Variants in NELL1 observed in about 807,000 individuals in gnomAD.
NELL1 encodes neural EGFL like 1.
A neutral mutation model predicts 107.4 loss-of-function variants in NELL1; 76 were observed. The ratio of observed to expected loss-of-function variants is 0.71; its 90% confidence interval spans 0.59 to 0.86. The LOEUF (loss-of-function observed/expected upper bound fraction) is 0.86. Among genes scored for constraint, NELL1 ranks in the 40% least tolerant of loss-of-function variants. The pLI, the probability that NELL1 is intolerant of heterozygous loss-of-function variation, is 0.00. For synonymous variants in NELL1, 353 were observed against 341.2 expected, an observed-to-expected ratio of 1.03 and a Z score of -0.38; for missense variants, 1,024 against 1,005.5, an observed-to-expected ratio of 1.02 and a Z score of -0.25.
chr11:21,255,523 G>T (rs933797485), intron 14 of NELL1, among the ~76,000 whole-genome samples: 13 of 151,778 alleles, frequency 8.6e-5, no homozygotes, highest in Admixed American at 7.9e-4. Context: ...GCAAACATCT[G>T]GGGGAGAAAA....
intron 2 of NELL1, among the ~76,000 whole-genome samples, chr11:20,731,066 G>A (rs1051102018): frequency 8.0e-6 from 1 of 124,982 alleles, no homozygotes; most frequent in Non-Finnish European, 1.7e-5. Flanking sequence ...GAGTTAATCG[G>A]TATGTATGAG....
chr11:20,877,677 T>C (rs1849331553), intron 4 of NELL1, among the ~76,000 whole-genome samples: 1 of 152,240 alleles, frequency 6.6e-6, no homozygotes, highest in African/African-American at 2.4e-5. Context: ...GATTCAATGA[T>C]TGACTTTGAC....
intron 13 of NELL1, among the ~76,000 whole-genome samples, chr11:21,199,762 A>C (rs1481126319): frequency 6.6e-6 from 1 of 151,426 alleles, no homozygotes; most frequent in Admixed American, 6.6e-5. Context: ...CCTGTCATCT[A>C]CATTAGGTAT....
In NELL1 at chr11:20,783,777, G is replaced by A. The variant is rs1465073702; in HGVS notation, c.282G>A (p.Gln94=). The stretch of plus-strand genomic sequence containing the variant: ...AATTCACCATTTTGGCCACTGTACA[G>A]CAGAAGCCATCCACTTCAGGAGTGA... ...KSEFTILATV[Q]QKPSTSGVIL... The change falls in exon 3 of 20, where the codon CAG becomes CAA. Residue 94 remains glutamine (Q), a synonymous_variant. Coordinates refer to ENST00000357134, the MANE Select transcript of NELL1 (RefSeq NM_006157.5). The A allele has an allele frequency of 6.2e-7, 1 of 1,613,890 alleles. No homozygotes were observed. Among genetic ancestry groups the A allele is most frequent in the Non-Finnish European group, 8.5e-7 (1 of 1,179,790 alleles).
intron 7 of NELL1, among the ~76,000 whole-genome samples, chr11:20,920,570 C>G (rs1850356004): frequency 6.6e-6 from 1 of 152,022 alleles, no homozygotes. Flanking sequence ...ACCTTCCCAG[C>G]TTGTGTTATA....
intron 15 of NELL1, among the ~76,000 whole-genome samples, chr11:21,504,771 C>T (rs1461386525): frequency 1.3e-5 from 2 of 152,078 alleles, no homozygotes; most frequent in African/African-American, 2.4e-5. Context: ...GCAGAGAATT[C>T]GAAGGCATGC....
intron 13 of NELL1, among the ~76,000 whole-genome samples, chr11:21,129,942 T>C (rs762147098): frequency 1.3e-5 from 2 of 152,164 alleles, no homozygotes; most frequent in African/African-American, 4.8e-5. Context: ...ATATTTTACT[T>C]CAACTAAAAC....
rs1590838665 is a variant in NELL1, at chr11:21,325,621, A to G, written c.1550-45232A>G. Reference sequence around the variant, plus strand: ...TTTTTAATATTAACTTATTTTGCTCATTTAATTTTTTGAGGCAAAATTGCA... The same window carrying G: ...TTTTTAATATTAACTTATTTTGCTCGTTTAATTTTTTGAGGCAAAATTGCA... On this transcript the variant is annotated intron_variant, in intron 14 of 19. Coordinates refer to ENST00000357134, the MANE Select transcript of NELL1 (RefSeq NM_006157.5). Among the ~76,000 whole-genome samples the G allele has an allele frequency of 2.0e-5, 3 of 151,928 alleles. No homozygotes were observed. In the East Asian group the frequency reaches 5.8e-4, roughly 29 times the overall value.
chr11:21,112,790 T>C (rs1855137888), intron 12 of NELL1, among the ~76,000 whole-genome samples: 2 of 152,060 alleles, frequency 1.3e-5, no homozygotes, highest in Admixed American at 1.3e-4. Context: ...TTTTCTGTCT[T>C]GGATTCCCAT....
At chr11:20,727,909 A>T (rs1307728382) in intron 2 of NELL1, among the ~76,000 whole-genome samples, 1 of 152,192 alleles carries the variant, frequency 6.6e-6, no homozygotes, top group East Asian at 1.9e-4. Context: ...GCACTAATTT[A>T]CATTCCCACC....
At chr11:21,076,586 G>T (rs1854141933) in intron 12 of NELL1, among the ~76,000 whole-genome samples, 1 of 152,186 alleles carries the variant, frequency 6.6e-6, no homozygotes, top group African/African-American at 2.4e-5. Context: ...AGCTGTATTT[G>T]ATGAGTGAGC....
chr11:21,122,056 T>C (rs1456006405), intron 13 of NELL1, among the ~76,000 whole-genome samples: 2 of 152,216 alleles, frequency 1.3e-5, no homozygotes, highest in Non-Finnish European at 2.9e-5. Flanking sequence ...TTTGATTGTT[T>C]TGTTGGGTTT....
chr11:21,573,870 G>A (rs1385300046), intron 19 of NELL1, among the ~76,000 whole-genome samples: 4 of 151,368 alleles, frequency 2.6e-5, no homozygotes, highest in Non-Finnish European at 5.9e-5. Flanking sequence ...GTCAATGTTA[G>A]GGGAAAAAAG....
At chr11:21,572,590 T>C (rs1017634899) in intron 18 of NELL1, among the ~76,000 whole-genome samples, 1 of 145,888 alleles carries the variant, frequency 6.9e-6, no homozygotes, top group Admixed American at 6.7e-5. Flanking sequence ...AGATGCCAGA[T>C]GCTGAGACAC....
chr11:21,189,067 A>G (rs1469482585), intron 13 of NELL1, among the ~76,000 whole-genome samples: 1 of 151,902 alleles, frequency 6.6e-6, no homozygotes, highest in Admixed American at 6.6e-5. Flanking sequence ...ATACAATTAT[A>G]TCATAATGTA....
At chr11:21,251,212 A>G (rs1025077581) in intron 14 of NELL1, among the ~76,000 whole-genome samples, 3 of 152,250 alleles carry the variant, frequency 2.0e-5, no homozygotes, top group African/African-American at 7.2e-5. Context: ...TTTTTAAAAA[A>G]CAGCATGCCT....
chr11:21,109,302 A>G (rs1173664106), intron 12 of NELL1, among the ~76,000 whole-genome samples: 1 of 152,112 alleles, frequency 6.6e-6, no homozygotes, highest in Non-Finnish European at 1.5e-5. Context: ...CTCTTAGAAT[A>G]TGGGTATCAG....
At chr11:20,789,564 G>T (rs1188057921) in intron 3 of NELL1, among the ~76,000 whole-genome samples, 1 of 152,228 alleles carries the variant, frequency 6.6e-6, no homozygotes, top group Non-Finnish European at 1.5e-5. Flanking sequence ...CCCCAATGTG[G>T]CAAGCAAGGA....
chr11:20,701,078 C>A (rs1020311122), intron 2 of NELL1, among the ~76,000 whole-genome samples: 2 of 152,274 alleles, frequency 1.3e-5, no homozygotes, highest in East Asian at 1.9e-4. Context: ...CTTGAGGAAT[C>A]GCCACACTGT....
Sources: allele counts gnomAD v4.1 joint callset (sites outside exome capture counted in the v4.1 genomes callset), GRCh38; gene constraint gnomAD v4.1.1; transcripts MANE v1.5; gene names NCBI Gene and HGNC (gene_info 2026-07-23, HGNC 2026-07-21).